Variants in CDH13 observed in about 807,000 individuals in gnomAD.
CDH13 encodes cadherin-13.
CDH13 carries 24 observed loss-of-function variants against 63.8 expected under a neutral mutation model. That is an observed-to-expected ratio of 0.38 (90% CI 0.27 to 0.53). The LOEUF is 0.53. CDH13 is among the 20% of genes least tolerant of loss of function. The pLI is 0.85. For synonymous variants in CDH13, 503 were observed against 355.3 expected, an observed-to-expected ratio of 1.42 and a Z score of -4.67; for missense variants, 1,049 against 903.1, an observed-to-expected ratio of 1.16 and a Z score of -2.07.
chr16:82,738,819 C>T (rs572083562), intron 1 of CDH13, among the ~76,000 whole-genome samples: 8 of 152,294 alleles, frequency 5.3e-5, no homozygotes, highest in Non-Finnish European at 8.8e-5. Flanking sequence ...TCACACATTT[C>T]GCTTATTTCT....
At chr16:83,018,204 A>G (rs1293801151) in intron 2 of CDH13, among the ~76,000 whole-genome samples, 1 of 152,128 alleles carries the variant, frequency 6.6e-6, no homozygotes, top group Admixed American at 6.5e-5. Context: ...AATGGTTGAA[A>G]TATCGGATTA....
intron 1 of CDH13, among the ~76,000 whole-genome samples, chr16:82,711,016 C>T (rs1024120059): frequency 3.3e-5 from 5 of 151,504 alleles, no homozygotes; most frequent in Non-Finnish European, 7.4e-5. Flanking sequence ...TTCATCTCTT[C>T]TTGTGCCAGT....
At chr16:83,415,584 G>A (rs2092188384) in intron 6 of CDH13, among the ~76,000 whole-genome samples, 1 of 152,118 alleles carries the variant, frequency 6.6e-6, no homozygotes, top group Non-Finnish European at 1.5e-5. Context: ...GTGTGCATGG[G>A]AGTCAGGAAT....
chr16:83,298,603 A>G (rs997526122), intron 5 of CDH13, among the ~76,000 whole-genome samples: 3 of 152,174 alleles, frequency 2.0e-5, no homozygotes, highest in African/African-American at 7.2e-5. Context: ...AGAAGTAAGG[A>G]CCTGTTATTA....
At chr16:83,087,978 C>T (rs2033696618) in intron 3 of CDH13, among the ~76,000 whole-genome samples, 1 of 152,110 alleles carries the variant, frequency 6.6e-6, no homozygotes, top group Non-Finnish European at 1.5e-5. Context: ...GGACTGCCTC[C>T]GTCAGTGTGC....
chr16:82,647,818 G>A lies in CDH13; in HGVS notation c.45+20681G>A, dbSNP rs181546357. On this transcript the variant is annotated intron_variant, in intron 1 of 13. Transcript: ENST00000567109. ...GGTGAGCTGTCTGTCAGTGTCTAATGTGGTAAGTATCTGATATGGTTTGGC... is the reference window on the plus strand; with the variant it reads ...GGTGAGCTGTCTGTCAGTGTCTAATATGGTAAGTATCTGATATGGTTTGGC... 1.6e-4 allele frequency among the ~76,000 whole-genome samples: 25 copies of A among 152,328 alleles called. No homozygotes were observed. The East Asian group carries it at 4.4e-3, about 27-fold the overall frequency.
intron 3 of CDH13, among the ~76,000 whole-genome samples, chr16:83,053,100 T>C (rs938585350): frequency 1.3e-5 from 2 of 152,166 alleles, no homozygotes; most frequent in Non-Finnish European, 2.9e-5. Flanking sequence ...TAGAGTTGAA[T>C]GAGATAATTC....
At chr16:82,968,575 C>G (rs569297452) in intron 2 of CDH13, among the ~76,000 whole-genome samples, 1 of 152,262 alleles carries the variant, frequency 6.6e-6, no homozygotes, top group South Asian at 2.1e-4. Context: ...TTTTAACACA[C>G]TGCAGTGTAA....
In CDH13 at chr16:83,380,566, C is replaced by G. The variant is rs79024634; in HGVS notation, c.781+35560C>G. ...TTCTTTTTATCACATAAAAGACATT[C>G]AGAGGTCTGTATAGGGCAGTCTGGA... On this transcript the variant is annotated intron_variant, in intron 6 of 13. Transcript: ENST00000567109. Among the ~76,000 whole-genome samples the G allele has an allele frequency of 6.9e-3, 1,053 of 152,262 alleles. 3 individuals are homozygous for G. Among genetic ancestry groups the G allele is most frequent in the Non-Finnish European group, 0.012 (805 of 68,014 alleles).
At chr16:82,962,600 G>T (rs12923390) in intron 2 of CDH13, among the ~76,000 whole-genome samples, 1 of 151,992 alleles carries the variant, frequency 6.6e-6, no homozygotes, top group Admixed American at 6.5e-5. Flanking sequence ...GGAGTAGGAA[G>T]GTCTAGAAGA....
chr16:82,738,527 C>T (rs2151049158), intron 1 of CDH13, among the ~76,000 whole-genome samples: 3 of 152,330 alleles, frequency 2.0e-5, no homozygotes, highest in Admixed American at 2.0e-4. Flanking sequence ...TTTCCAAATT[C>T]CTTAGCTTAG....
chr16:82,840,541 C>T (rs558366685), intron 1 of CDH13, among the ~76,000 whole-genome samples: 5 of 151,674 alleles, frequency 3.3e-5, no homozygotes, highest in South Asian at 2.1e-4. Context: ...AAGAAACAGC[C>T]AGGTATGGTG....
At chr16:83,024,581 A>T (rs1403552148) in intron 2 of CDH13, among the ~76,000 whole-genome samples, 1 of 152,160 alleles carries the variant, frequency 6.6e-6, no homozygotes, top group Admixed American at 6.5e-5. Flanking sequence ...TAACTCATGC[A>T]ACCTCACTAA....
chr16:83,415,257 A>C (rs1300854143), intron 6 of CDH13, among the ~76,000 whole-genome samples: 2 of 152,174 alleles, frequency 1.3e-5, no homozygotes, highest in East Asian at 3.8e-4. Flanking sequence ...GAACGGACCC[A>C]TAACTCATAG....
intron 10 of CDH13, among the ~76,000 whole-genome samples, chr16:83,720,901 C>T (rs957791803): frequency 6.6e-6 from 1 of 152,156 alleles, no homozygotes; most frequent in Admixed American, 6.5e-5. Flanking sequence ...TATAACTGTG[C>T]CTGAAATGGA....
At chr16:83,734,155 C>A (rs1911306489) in intron 10 of CDH13, among the ~76,000 whole-genome samples, 1 of 152,110 alleles carries the variant, frequency 6.6e-6, no homozygotes. Context: ...AAAAAAGCAA[C>A]TTACCATGAA....
intron 1 of CDH13, among the ~76,000 whole-genome samples, chr16:82,797,436 A>C (rs1294829350): frequency 2.6e-5 from 4 of 152,220 alleles, no homozygotes; most frequent in Non-Finnish European, 4.4e-5. Context: ...TTCCAAGTGC[A>C]GACTTTGCTA....
At chr16:82,704,383 G>A (rs956474250) in intron 1 of CDH13, among the ~76,000 whole-genome samples, 1 of 152,190 alleles carries the variant, frequency 6.6e-6, no homozygotes, top group African/African-American at 2.4e-5. Flanking sequence ...TTTTATGTAA[G>A]CATTACTTCA....
chr16:83,078,255 T>A (rs1053167201), intron 3 of CDH13, among the ~76,000 whole-genome samples: 18 of 152,178 alleles, frequency 1.2e-4, no homozygotes, highest in African/African-American at 4.1e-4. Flanking sequence ...TCATGAACTC[T>A]GTTCTCTGTT....
Sources: allele counts gnomAD v4.1 joint callset (sites outside exome capture counted in the v4.1 genomes callset), GRCh38; gene constraint gnomAD v4.1.1; transcripts MANE v1.5; gene names NCBI Gene and HGNC (gene_info 2026-07-23, HGNC 2026-07-21).